Variants in TCF12 observed in about 807,000 individuals in gnomAD.
TCF12 encodes transcription factor 12, also known as DNA-binding protein HTF4.
In TCF12, 45 loss-of-function variants were observed where a neutral mutation model predicts 86.0. The observed-to-expected ratio is 0.52, with a 90% confidence interval of 0.41 to 0.67. TCF12 has a LOEUF of 0.67. TCF12 is among the 30% of genes least tolerant of loss of function. The probability of loss-of-function intolerance (pLI) is 0.00; values close to 1 mark genes in which losing one functional copy is unlikely to be tolerated. For synonymous variants in TCF12, 330 were observed against 299.6 expected, an observed-to-expected ratio of 1.10 and a Z score of -1.05; for missense variants, 881 against 859.9, an observed-to-expected ratio of 1.02 and a Z score of -0.31.
intron 12 of TCF12, 32 bp downstream of exon 12, chr15:57,234,139 G>C: frequency 6.5e-7 from 1 of 1,540,102 alleles, no homozygotes; most frequent in Non-Finnish European, 9.0e-7. Flanking sequence ...TCTACTGAAT[G>C]AATTTTACAC....
At chr15:57,259,356 CATT>C (rs752065329) in intron 16 of TCF12, among the ~76,000 whole-genome samples, 3 of 152,176 alleles carry the variant, frequency 2.0e-5, no homozygotes, top group Non-Finnish European at 4.4e-5. Context: ...TAATTTAAAT[CATT>C]AGTATTCAGT....
chr15:56,967,066 G>C (rs1473070851), intron 3 of TCF12, among the ~76,000 whole-genome samples: 1 of 152,172 alleles, frequency 6.6e-6, no homozygotes, highest in Non-Finnish European at 1.5e-5. Flanking sequence ...TGGTTTCAGT[G>C]AGTCGAGATC....
intron 5 of TCF12, among the ~76,000 whole-genome samples, chr15:57,123,970 A>ACAAAAAAAAAT (rs1313776402): frequency 8.6e-6 from 1 of 116,616 alleles, no homozygotes; most frequent in African/African-American, 2.7e-5. Flanking sequence ...CTCCGTCTCA[A>ACAAAAAAAAAT]AAAAAAAAAA....
At chr15:57,224,456 A>G (rs1402786915) in intron 8 of TCF12, among the ~76,000 whole-genome samples, 2 of 152,144 alleles carry the variant, frequency 1.3e-5, no homozygotes, top group African/African-American at 4.8e-5. Context: ...AACCAGTGAT[A>G]TGCCCAGTAA....
Position 57,288,429 on chromosome 15 carries a change from A to T in TCF12, c.*2284A>T, listed in dbSNP as rs979753935. 2.6e-5 allele frequency: 4 copies of T among 152,562 alleles called. No individual in the cohort carries two copies. Among genetic ancestry groups the T allele is most frequent in the African/African-American group, 7.2e-5 (3 of 41,424 alleles). The allele number at this position is 152,562 out of a possible 1,614,324, so 9.5% of individuals were successfully genotyped here. A position where few individuals can be genotyped will look rare whatever the true frequency, so the allele number is the denominator to read the frequency against. On this transcript the variant is annotated 3_prime_UTR_variant, in exon 21 of 21. Coordinates refer to ENST00000333725, the MANE Select transcript of TCF12 (RefSeq NM_207037.2). ...TTTCAACCAGCAGCAAGAAGTTCAA[A>T]TTTTTTTCTGTCACTGTAACAGAAA... is the stretch of plus-strand genomic sequence containing the variant.
chr15:57,223,307 C>T (rs1277209836), intron 8 of TCF12, among the ~76,000 whole-genome samples: 1 of 152,014 alleles, frequency 6.6e-6, no homozygotes, highest in Non-Finnish European at 1.5e-5. Context: ...AAGGGCCAAA[C>T]TGAATTTATC....
At chr15:57,019,147 G>A (rs545612200) in intron 3 of TCF12, among the ~76,000 whole-genome samples, 7 of 152,214 alleles carry the variant, frequency 4.6e-5, no homozygotes, top group African/African-American at 1.7e-4. Flanking sequence ...TACTTTGGTA[G>A]CCAGCACTGG....
chr15:57,113,436 T>C lies in TCF12; in HGVS notation c.325+21545T>C, dbSNP rs1231436463. Among the ~76,000 whole-genome samples, 3 of 152,222 alleles carry C rather than the reference T, an allele frequency of 2.0e-5. No homozygotes were observed. In the East Asian group the frequency reaches 5.8e-4, roughly 29 times the overall value. The stretch of plus-strand genomic sequence containing the variant: ...TCCTTGAGGGCAGGTCTCCTTGTTA[T>C]TTATATTTCTATCTGTATCTTCTAC... On this transcript the variant is annotated intron_variant, in intron 5 of 20. Transcript: ENST00000333725.
intron 3 of TCF12, among the ~76,000 whole-genome samples, chr15:57,028,907 C>T (rs1217887122): frequency 1.3e-5 from 2 of 152,018 alleles, no homozygotes; most frequent in Non-Finnish European, 2.9e-5. Flanking sequence ...AAGCGATTCT[C>T]CTGCATCAGC....
chr15:57,175,173 C>T (rs1450297588), intron 6 of TCF12, among the ~76,000 whole-genome samples: 2 of 152,036 alleles, frequency 1.3e-5, no homozygotes, highest in African/African-American at 2.4e-5. Flanking sequence ...GCAAGATTCC[C>T]ATCTCTACAA....
At chr15:56,919,236 G>GT (rs2059647416) in intron 1 of TCF12, 1 of 152,208 alleles carries the variant, frequency 6.6e-6, no homozygotes, top group Non-Finnish European at 1.5e-5. Flanking sequence ...CAGGTCCGGG[G>GT]CAGGGCAGCA....
At chr15:57,182,160 A>G (rs1437933295) in intron 6 of TCF12, among the ~76,000 whole-genome samples, 1 of 152,200 alleles carries the variant, frequency 6.6e-6, no homozygotes, top group Non-Finnish European at 1.5e-5. Context: ...GATCAGTAGT[A>G]ATCAATAATG....
At chr15:56,992,720 T>C (rs1015142081) in intron 3 of TCF12, among the ~76,000 whole-genome samples, 2 of 152,218 alleles carry the variant, frequency 1.3e-5, no homozygotes, top group Non-Finnish European at 2.9e-5. Context: ...CAAAACATGA[T>C]TGGATTTTAT....
intron 19 of TCF12, among the ~76,000 whole-genome samples, chr15:57,276,141 T>A (rs1195659114): frequency 8.5e-5 from 13 of 152,218 alleles, no homozygotes; most frequent in African/African-American, 4.8e-5. Flanking sequence ...CTTTTGATAA[T>A]TTAGTGATGA....
At chr15:57,290,204 A>G (rs1488921187), downstream of TCF12, among the ~76,000 whole-genome samples, 1 of 152,026 alleles carries the variant, frequency 6.6e-6, no homozygotes, top group Admixed American at 6.6e-5. Flanking sequence ...TTAGCCAGCT[A>G]TGGTGGCAGG....
At chr15:57,090,590 C>G (rs530789173) in intron 4 of TCF12, among the ~76,000 whole-genome samples, 1 of 152,198 alleles carries the variant, frequency 6.6e-6, no homozygotes, top group Admixed American at 6.5e-5. Flanking sequence ...ATTGAACTGA[C>G]AGCATGCCTG....
chr15:56,987,560 C>A (rs547787385), intron 3 of TCF12, among the ~76,000 whole-genome samples: 9 of 152,248 alleles, frequency 5.9e-5, no homozygotes, highest in African/African-American at 1.9e-4. Context: ...ATTTTATTTG[C>A]ATTTAAGACT....
intron 8 of TCF12, among the ~76,000 whole-genome samples, chr15:57,215,538 G>C (rs2058297726): frequency 1.3e-5 from 2 of 152,116 alleles, no homozygotes; most frequent in Admixed American, 1.3e-4. Context: ...TAGAAATAAT[G>C]TTGAAACTTT....
At chr15:57,252,790 A>T (rs1164751117) in intron 15 of TCF12, among the ~76,000 whole-genome samples, 4 of 152,206 alleles carry the variant, frequency 2.6e-5, no homozygotes, top group Admixed American at 6.5e-5. Context: ...GTCAAAGAAC[A>T]TATCTGGATA....
Sources: gnomAD v4.1 joint callset for allele counts (sites outside exome capture counted in the v4.1 genomes callset) on GRCh38, gnomAD v4.1.1 for gene constraint, MANE v1.5 for transcripts, NCBI Gene and HGNC (gene_info 2026-07-23, HGNC 2026-07-21) for gene names.